PSD2: variants seen among roughly 807,000 people sequenced by gnomAD.
PSD2 encodes pleckstrin and Sec7 domain containing 2, also known as PH and SEC7 domain-containing protein 2.
A neutral mutation model predicts 69.8 loss-of-function variants in PSD2; 38 were observed. The observed-to-expected ratio is 0.54, with a 90% CI of 0.42 to 0.71. The LOEUF (loss-of-function observed/expected upper bound fraction) is 0.71, where lower values mean the gene tolerates loss of function less well. PSD2 is among the 30% of genes least tolerant of loss of function. The pLI, the probability that PSD2 is intolerant of heterozygous loss-of-function variation, is 0.00. For missense variants in PSD2, 943 were observed against 1,014.5 expected, an observed-to-expected ratio of 0.93 and a Z score of 0.96; for synonymous variants, 412 against 423.0, an observed-to-expected ratio of 0.97 and a Z score of 0.32.
chr5:139,775,785 C>T, the PSD2 span, among the ~76,000 whole-genome samples: 1 of 152,272 alleles, frequency 6.6e-6, no homozygotes, highest in Non-Finnish European at 1.5e-5. Context: ...TCTCCTGCCT[C>T]AGCCTCCCAA....
intron 5 of PSD2, among the ~76,000 whole-genome samples, chr5:139,818,028 G>T (rs551885208): frequency 6.6e-6 from 1 of 152,124 alleles, no homozygotes; most frequent in Admixed American, 6.5e-5. Context: ...TTGGACCTAG[G>T]GAGTAGACCT....
chr5:139,781,848 G>A, the PSD2 span, among the ~76,000 whole-genome samples: 1 of 152,150 alleles, frequency 6.6e-6, no homozygotes, highest in South Asian at 2.1e-4. Context: ...TGGGCAGGCT[G>A]GTCTCGAACT....
intron 1 of PSD2, among the ~76,000 whole-genome samples, chr5:139,799,629 G>A (rs1759616650): frequency 2.0e-5 from 3 of 152,154 alleles, no homozygotes; most frequent in African/African-American, 7.2e-5. Flanking sequence ...GGGCTGACTG[G>A]GCCAGCACAT....
chr5:139,787,178 C>T, the PSD2 span, among the ~76,000 whole-genome samples: 2 of 152,162 alleles, frequency 1.3e-5, no homozygotes, highest in South Asian at 4.1e-4. Flanking sequence ...ATTGCCTTGG[C>T]CTTGTCCTAG....
chr5:139,748,815 A>C, the PSD2 span, among the ~76,000 whole-genome samples: 2 of 152,214 alleles, frequency 1.3e-5, no homozygotes, highest in East Asian at 1.9e-4. Context: ...CGATGATCTG[A>C]ATAATTATCG....
intron 7 of PSD2, among the ~76,000 whole-genome samples, chr5:139,830,626 C>CCCTTTCTTTCTTTCTTTCTT (rs1554096394): frequency 1.0e-5 from 1 of 97,662 alleles, no homozygotes; most frequent in Non-Finnish European, 1.8e-5. Flanking sequence ...TTCTTTCTTT[C>CCCTTTCTTTCTTTCTTTCTT]TCTTTCTTTC....
intron 12 of PSD2, 39 bp from the exon 13 acceptor site, chr5:139,838,589 G>A: frequency 6.3e-7 from 1 of 1,598,260 alleles, no homozygotes; most frequent in Middle Eastern, 1.7e-4. Flanking sequence ...AGGGAGTCCT[G>A]TGTGAGAGGC....
upstream of PSD2, among the ~76,000 whole-genome samples, chr5:139,795,448 CT>C (rs1759494548): frequency 6.6e-6 from 1 of 152,156 alleles, no homozygotes; most frequent in Non-Finnish European, 1.5e-5. This position sits in a 1 kb window ranked among gnomAD's most constrained non-coding sequence, Gnocchi z 4.5. Context: ...GTCCCGAGAG[CT>C]CAGGTTCTAG....
the PSD2 span, among the ~76,000 whole-genome samples, chr5:139,781,403 T>C: frequency 6.6e-6 from 1 of 152,010 alleles, no homozygotes; most frequent in Admixed American, 6.6e-5. Flanking sequence ...TGGTGCAATC[T>C]TGGCCCACTG....
At chr5:139,813,062 C>A (rs551321276) in intron 2 of PSD2, among the ~76,000 whole-genome samples, 2 of 152,268 alleles carry the variant, frequency 1.3e-5, no homozygotes, top group South Asian at 4.1e-4. Context: ...ATTGAGGTGG[C>A]ATCTTTACTT....
chr5:139,745,681 G>T, the PSD2 span, among the ~76,000 whole-genome samples: 1 of 152,346 alleles, frequency 6.6e-6, no homozygotes, highest in African/African-American at 2.4e-5. Flanking sequence ...AGCTGCTGCG[G>T]GTTGCCCAGT....
At chr5:139,830,592 T>TTCTTTCTTTCTTTCTC (rs779474791) in intron 7 of PSD2, among the ~76,000 whole-genome samples, 12 of 86,008 alleles carry the variant, frequency 1.4e-4, no homozygotes, top group Non-Finnish European at 1.8e-4. Context: ...CTTTCTTTCT[T>TTCTTTCTTTCTTTCTC]TTTCTTTCTT....
At chr5:139,802,911 G>T (rs1164874162) in intron 1 of PSD2, among the ~76,000 whole-genome samples, 1 of 152,200 alleles carries the variant, frequency 6.6e-6, no homozygotes, top group African/African-American at 2.4e-5. Context: ...AGATGCAAAT[G>T]TGCATGCAGC....
chr5:139,809,502 G>A lies in PSD2; in HGVS notation c.62G>A (p.Gly21Asp), dbSNP rs145960712. The change falls in exon 2 of 15, where the codon GGT becomes GAT. Residue 21 changes from glycine to aspartate, a missense_variant. By Grantham distance (94) the Gly-to-Asp change is moderately conservative. This residue lies in a region of PSD2 where 466 missense variants were observed against 445.0 expected (regional missense o/e 1.05). Coordinates refer to ENST00000274710, the MANE Select transcript of PSD2 (RefSeq NM_032289.4). The stretch of plus-strand genomic sequence containing the variant: ...GAAGGCGATGCCACCCGTGACCCCG[G>A]TCCAGAGCCTGAAGAGGAGCCAGGG... ...PEEGDATRDPGPEPEEEPGVR... is the reference protein window; with the variant it reads ...PEEGDATRDPDPEPEEEPGVR... The A allele has an allele frequency of 4.3e-6, 7 of 1,612,916 alleles. No individual in the cohort carries two copies. Among genetic ancestry groups the A allele is most frequent in the Middle Eastern group, 1.7e-4 (1 of 6,020 alleles).
rs1760831138 is a variant in PSD2 at position 139,839,984 on chromosome 5, A to G, written c.1969-43A>G. The G allele has an allele frequency of 1.2e-6, 2 of 1,610,838 alleles. No individual in the cohort carries two copies. The highest frequency in any genetic ancestry group is 2.7e-5 in the African/African-American group (2 of 74,856). The stretch of plus-strand genomic sequence containing the variant: ...AACAGGATTTGAGCCACTCCGTGAC[A>G]TCCTGAGAGTAAGGCCTCACAGTCC... On this transcript the variant is annotated intron_variant, in intron 13 of 14. Coordinates refer to ENST00000274710, the MANE Select transcript of PSD2 (RefSeq NM_032289.4). The surrounding 1 kb of genome is among the most constrained non-coding windows in gnomAD (Gnocchi z 5.1).
chr5:139,795,567 TC>T (rs569388027), upstream of PSD2, among the ~76,000 whole-genome samples: 38 of 151,366 alleles, frequency 2.5e-4, no homozygotes, highest in African/African-American at 6.3e-4. The surrounding 1 kb of genome is among the most constrained non-coding windows in gnomAD (Gnocchi z 4.5). Context: ...GGCGCTCCCC[TC>T]CCCCCCTTTC....
the PSD2 span, among the ~76,000 whole-genome samples, chr5:139,778,885 T>C: frequency 0.99 from 149,393 of 150,376 alleles, 74,209 homozygotes; most frequent in East Asian, 1. Context: ...GCCATGATAG[T>C]GCCCTTGCAC....
At chr5:139,784,168 G>C in the PSD2 span, among the ~76,000 whole-genome samples, 1 of 151,644 alleles carries the variant, frequency 6.6e-6, no homozygotes, top group African/African-American at 2.4e-5. Context: ...TTGAACTCCT[G>C]ACCTCAAGCG....
chr5:139,770,256 T>C, the PSD2 span, among the ~76,000 whole-genome samples: 4 of 152,074 alleles, frequency 2.6e-5, no homozygotes, highest in Non-Finnish European at 5.9e-5. Flanking sequence ...GGCAATTGTG[T>C]GCTAAGAAAC....
Sources: gnomAD v4.1 joint callset for allele counts (sites outside exome capture counted in the v4.1 genomes callset) on GRCh38, gnomAD v4.1.1 for gene constraint, gnomAD v4.1.1 regional missense constraint, Gnocchi (gnomAD v3.1) non-coding constraint, MANE v1.5 for transcripts, NCBI Gene and HGNC (gene_info 2026-07-23, HGNC 2026-07-21) for gene names.